FAM219A: variants seen among roughly 807,000 people sequenced by gnomAD.
FAM219A encodes protein FAM219A.
In FAM219A, 7 loss-of-function variants were observed where a neutral mutation model predicts 23.4. The observed-to-expected ratio is 0.30, with a 90% CI of 0.17 to 0.56. The LOEUF (loss-of-function observed/expected upper bound fraction) is 0.56, where lower values mean the gene tolerates loss of function less well. FAM219A is among the 20% of genes least tolerant of loss of function. The pLI is 0.92. For synonymous variants in FAM219A, 93 were observed against 99.0 expected, an observed-to-expected ratio of 0.94 and a Z score of 0.36; for missense variants, 166 against 246.9, an observed-to-expected ratio of 0.67 and a Z score of 2.20.
At chr9:34,444,669 A>G (rs1823305554) in intron 1 of FAM219A, among the ~76,000 whole-genome samples, 1 of 152,154 alleles carries the variant, frequency 6.6e-6, no homozygotes, top group African/African-American at 2.4e-5. Context: ...AGGAACTCAG[A>G]TTGCTAACTC....
At chr9:34,430,728 G>C (rs549707526) in intron 1 of FAM219A, among the ~76,000 whole-genome samples, 1 of 150,356 alleles carries the variant, frequency 6.7e-6, no homozygotes, top group East Asian at 2.0e-4. Flanking sequence ...AGTAGTCCCA[G>C]CTACCCGGGA....
chr9:34,447,255 G>A (rs1823407053), intron 1 of FAM219A, among the ~76,000 whole-genome samples: 1 of 152,208 alleles, frequency 6.6e-6, no homozygotes, highest in African/African-American at 2.4e-5. Context: ...CACTGCTAAG[G>A]GAAAGGGCTG....
chr9:34,401,707 C>A lies in FAM219A; in HGVS notation c.358G>T (p.Asp120Tyr). 6.2e-7 allele frequency: 1 copy of A among 1,608,456 alleles called. No individual in the cohort carries two copies. The highest frequency in any genetic ancestry group is 1.1e-5 in the South Asian group (1 of 88,910). Residue 120 changes from aspartate to tyrosine, a missense_variant, in exon 5 of 6, where the codon GAC (aspartate) becomes TAC (tyrosine). Around this residue, in one of 3 missense-constraint regions of FAM219A, gnomAD observed 72 missense variants for 131.0 expected, o/e 0.55. Transcript: ENST00000651358. ...ALDTDSDDDF[D>Y]MSRYSSSGYS... ...CCGGAGGAGGAGTATCTAGACATGT[C>A]AAAGTCATCATCGCTGGCCATGGAG...
intron 1 of FAM219A, among the ~76,000 whole-genome samples, chr9:34,412,706 A>G (rs974519523): frequency 6.6e-6 from 1 of 152,230 alleles, no homozygotes; most frequent in Admixed American, 6.5e-5. Flanking sequence ...GAGTAGAACT[A>G]GGAACCATTC....
chr9:34,416,260 G>GAAAGAAAGAAAGA, intron 1 of FAM219A, among the ~76,000 whole-genome samples: 1 of 77,158 alleles, frequency 1.3e-5, no homozygotes, highest in Non-Finnish European at 2.6e-5. Context: ...AGAAAGAAAG[G>GAAAGAAAGAAAGA]GGGAGGGAGG....
intron 1 of FAM219A, among the ~76,000 whole-genome samples, chr9:34,447,839 A>T (rs1823425689): frequency 6.6e-6 from 1 of 152,024 alleles, no homozygotes; most frequent in Admixed American, 6.6e-5. Flanking sequence ...TTCAGAAACC[A>T]GTGCTGAAGA....
chr9:34,439,983 A>T (rs1280967341), intron 1 of FAM219A, among the ~76,000 whole-genome samples: 1 of 152,230 alleles, frequency 6.6e-6, no homozygotes, highest in Non-Finnish European at 1.5e-5. Flanking sequence ...GTGACCGCCC[A>T]GGAGAAGGGA....
At chr9:34,450,580 G>A (rs534127596) in intron 1 of FAM219A, among the ~76,000 whole-genome samples, 1 of 152,122 alleles carries the variant, frequency 6.6e-6, no homozygotes, top group African/African-American at 2.4e-5. Context: ...CACCATGCCC[G>A]GCTAATTTTT....
At chr9:34,403,745 G>A (rs767132684) in intron 2 of FAM219A, among the ~76,000 whole-genome samples, 9 of 152,222 alleles carry the variant, frequency 5.9e-5, no homozygotes, top group Non-Finnish European at 1.0e-4. Context: ...ACTGTTAGGT[G>A]GAGAGGGACA....
chr9:34,427,296 C>T (rs1822521894), intron 1 of FAM219A, among the ~76,000 whole-genome samples: 1 of 152,084 alleles, frequency 6.6e-6, no homozygotes, highest in African/African-American at 2.4e-5. Flanking sequence ...CTCAGCCTCC[C>T]AAGTAGCTGG....
chr9:34,422,209 A>T (rs931171506), intron 1 of FAM219A, among the ~76,000 whole-genome samples: 1 of 152,322 alleles, frequency 6.6e-6, no homozygotes, highest in East Asian at 1.9e-4. Context: ...AAACTCATCC[A>T]GTCATTTAGT....
At chr9:34,422,822 C>T (rs947522969) in intron 1 of FAM219A, among the ~76,000 whole-genome samples, 3 of 152,190 alleles carry the variant, frequency 2.0e-5, no homozygotes, top group African/African-American at 7.2e-5. Flanking sequence ...TCTGGTCCTA[C>T]ATTTTAAGGG....
At position 34,400,896 on chromosome 9, in the gene FAM219A, G is replaced by T; in HGVS notation, c.*68C>A. The T allele has an allele frequency of 7.0e-7, 1 of 1,429,652 alleles. No individual in the cohort carries two copies. The allele number at this position is 1,429,652 out of a possible 1,614,324, so 88.6% of individuals were successfully genotyped here. A position where few individuals can be genotyped will look rare whatever the true frequency, so the allele number is the denominator to read the frequency against. On this transcript the variant is annotated 3_prime_UTR_variant, in exon 6 of 6. Transcript: ENST00000651358. ...GGGGCAGGCAGACGAGCTGGGAAGGGGTCGGCCTCTGCCCGTCCTACCCGG... is the reference window on the plus strand; with the variant it reads ...GGGGCAGGCAGACGAGCTGGGAAGGTGTCGGCCTCTGCCCGTCCTACCCGG...
intron 1 of FAM219A, chr9:34,406,485 G>A (rs1821640132): frequency 2.0e-6 from 2 of 985,386 alleles, no homozygotes; most frequent in Non-Finnish European, 1.2e-6. Context: ...AGCCTTCAAG[G>A]CTACAGCCAC....
At chr9:34,412,914 G>C (rs546447102) in intron 1 of FAM219A, among the ~76,000 whole-genome samples, 1 of 152,306 alleles carries the variant, frequency 6.6e-6, no homozygotes, top group African/African-American at 2.4e-5. Context: ...AGTGACCACA[G>C]GCCGTTCTTT....
In FAM219A at chr9:34,400,666, G is replaced by A. The variant is rs940960562; in HGVS notation, c.*298C>T. On this transcript the variant is annotated 3_prime_UTR_variant, in exon 6 of 6. Coordinates refer to ENST00000651358, the MANE Select transcript of FAM219A (RefSeq NM_001184940.2). ...CCCTGCCGTCCAGTCTTCTCTCTTG[G>A]CCAGCCCTGGGAAGCGGGGCAGGGT... 4 of 289,988 alleles carry A rather than the reference G, an allele frequency of 1.4e-5. No individual in the cohort carries two copies. The highest frequency in any genetic ancestry group is 2.2e-5 in the African/African-American group (1 of 45,662). The allele number at this position is 289,988 out of a possible 1,614,324, so 18.0% of individuals were successfully genotyped here.
intron 1 of FAM219A, among the ~76,000 whole-genome samples, chr9:34,409,294 C>T (rs1821745341): frequency 6.6e-6 from 1 of 152,254 alleles, no homozygotes; most frequent in Non-Finnish European, 1.5e-5. Flanking sequence ...CTTAGAAATG[C>T]AGCCAATGCA....
At chr9:34,425,054 C>G (rs1822407067) in intron 1 of FAM219A, among the ~76,000 whole-genome samples, 1 of 152,164 alleles carries the variant, frequency 6.6e-6, no homozygotes. Flanking sequence ...GATCTACCCC[C>G]TCGGCCTCCC....
intron 1 of FAM219A, among the ~76,000 whole-genome samples, chr9:34,426,073 G>A (rs1822455727): frequency 6.6e-6 from 1 of 152,184 alleles, no homozygotes; most frequent in Admixed American, 6.5e-5. Flanking sequence ...CAGAGGGTTA[G>A]TTATAAGGCC....
Sources: allele counts gnomAD v4.1 joint callset (sites outside exome capture counted in the v4.1 genomes callset), GRCh38; gene constraint gnomAD v4.1.1; regional missense constraint gnomAD v4.1.1; transcripts MANE v1.5; gene names NCBI Gene and HGNC (gene_info 2026-07-23, HGNC 2026-07-21).